The following IGF1R variants were observed in gnomAD, a reference collection of about 807,000 sequenced individuals.
The protein encoded by IGF1R is insulin like growth factor 1 receptor, also known as insulin-like growth factor 1 receptor.
A neutral mutation model predicts 144.6 loss-of-function variants in IGF1R; 44 were observed. The observed-to-expected ratio is 0.30, with a 90% confidence interval of 0.24 to 0.39. The LOEUF (loss-of-function observed/expected upper bound fraction) is 0.39, where lower values mean the gene tolerates loss of function less well. IGF1R is among the 10% of genes least tolerant of loss of function. The pLI is 1.00. For synonymous variants in IGF1R, 795 were observed against 722.8 expected (o/e 1.10, Z -1.60); for missense variants, 1,355 against 1,833.7 (o/e 0.74, Z 4.77).
chr15:98,869,206 G>T (rs1233082288), intron 2 of IGF1R, among the ~76,000 whole-genome samples: 1 of 151,978 alleles, frequency 6.6e-6, no homozygotes, highest in Non-Finnish European at 1.5e-5. Context: ...TTATCCGCCA[G>T]GAAACTCCCT....
Position 98,753,380 on chromosome 15 carries a change from C to CTTT in IGF1R, c.640+45295_640+45297dup, listed in dbSNP as rs1173073572. 6.0e-3 allele frequency among the ~76,000 whole-genome samples: 364 copies of CTTT among 60,282 alleles called. 22 individuals are homozygous for CTTT. The highest frequency in any genetic ancestry group is 0.052 in the Middle Eastern group (3 of 58). 39.5% of individuals were successfully genotyped at this position (60,282 alleles called of 152,430 possible). A position where few individuals can be genotyped will look rare whatever the true frequency, so the allele number is the denominator to read the frequency against. On this transcript the variant is annotated intron_variant, in intron 2 of 20. Transcript: ENST00000650285. ...CACAAGTATGCACCACCATACCTGGCTTTTTTTTTTTTTTTTTTTTTTTTG... is the reference window on the plus strand; with the variant it reads ...CACAAGTATGCACCACCATACCTGGCTTTTTTTTTTTTTTTTTTTTTTTTTTTG...
intron 2 of IGF1R, among the ~76,000 whole-genome samples, chr15:98,714,424 G>A (rs949246312): frequency 2.6e-5 from 4 of 152,124 alleles, no homozygotes; most frequent in African/African-American, 7.2e-5. Context: ...CAGGAGGATC[G>A]CTTGAGTCCA....
At chr15:98,662,223 C>G (rs992724273) in intron 1 of IGF1R, among the ~76,000 whole-genome samples, 1 of 151,936 alleles carries the variant, frequency 6.6e-6, no homozygotes, top group African/African-American at 2.4e-5. Context: ...TCAAGCAATC[C>G]ACCGACCTCG....
In IGF1R at chr15:98,838,027, G is replaced by C. The variant is rs545238027; in HGVS notation, c.641-53298G>C. Among the ~76,000 whole-genome samples, 3 of 152,284 alleles carry C rather than the reference G, an allele frequency of 2.0e-5. No individual in the cohort carries two copies. The South Asian group carries it at 6.2e-4, about 32-fold the overall frequency. The stretch of plus-strand genomic sequence containing the variant: ...TTACAAAATCATTTTCACGGCCTGA[G>C]AGTCTTTTAGGTACTGATTTTTTTC... On this transcript the variant is annotated intron_variant, in intron 2 of 20. Coordinates refer to ENST00000650285, the MANE Select transcript of IGF1R (RefSeq NM_000875.5).
chr15:98,653,006 T>C (rs1048361342), intron 1 of IGF1R, among the ~76,000 whole-genome samples: 3 of 151,854 alleles, frequency 2.0e-5, no homozygotes, highest in African/African-American at 7.2e-5. Flanking sequence ...TACGTTAAAA[T>C]TATTACATAC....
At chr15:98,750,379 C>G (rs1258408202) in intron 2 of IGF1R, among the ~76,000 whole-genome samples, 1 of 152,344 alleles carries the variant, frequency 6.6e-6, no homozygotes, top group East Asian at 1.9e-4. Flanking sequence ...CTGGATTTAT[C>G]TAGTCCAGCT....
chr15:98,914,075 C>T (rs565878492), intron 8 of IGF1R, among the ~76,000 whole-genome samples: 1 of 152,302 alleles, frequency 6.6e-6, no homozygotes, highest in South Asian at 2.1e-4. Context: ...GGCCCACTCC[C>T]TGGCTCATAG....
chr15:98,892,450 C>T (rs2013971013), intron 3 of IGF1R, among the ~76,000 whole-genome samples: 2 of 144,192 alleles, frequency 1.4e-5, no homozygotes, highest in South Asian at 4.3e-4. Flanking sequence ...TTGCTTGAAC[C>T]TGGGAGGCAG....
rs946987842 is a variant in IGF1R at position 98,911,237 on chromosome 15, G to A, written c.1463-78G>A. On this transcript the variant is annotated intron_variant, in intron 6 of 20. Transcript: ENST00000650285. Reference sequence around the variant, plus strand: ...TATACAGCCAGCTTTGGGGAAGGGGGAAGCAGTGCCAAGCAAGACAGGTGC... The same window carrying A: ...TATACAGCCAGCTTTGGGGAAGGGGAAAGCAGTGCCAAGCAAGACAGGTGC... 2.1e-5 allele frequency: 33 copies of A among 1,557,810 alleles called. No homozygotes were observed. In the East Asian group the frequency reaches 6.8e-4, roughly 32 times the overall value.
At chr15:98,760,242 T>C (rs925553205) in intron 2 of IGF1R, among the ~76,000 whole-genome samples, 2 of 151,872 alleles carry the variant, frequency 1.3e-5, no homozygotes, top group African/African-American at 4.8e-5. Context: ...TCCCAGCCAC[T>C]TGGGAGGCTG....
intron 2 of IGF1R, among the ~76,000 whole-genome samples, chr15:98,824,539 T>G (rs1443957884): frequency 6.6e-6 from 1 of 152,216 alleles, no homozygotes; most frequent in African/African-American, 2.4e-5. Flanking sequence ...ACCATTAGAC[T>G]CAGCTTTCCC....
intron 2 of IGF1R, among the ~76,000 whole-genome samples, chr15:98,848,215 A>C (rs574377368): frequency 6.6e-6 from 1 of 152,282 alleles, no homozygotes; most frequent in East Asian, 1.9e-4. Context: ...TGAGAGTTTG[A>C]TTATTCTTAA....
intron 2 of IGF1R, among the ~76,000 whole-genome samples, chr15:98,816,929 T>C (rs1193479458): frequency 6.6e-6 from 1 of 152,132 alleles, no homozygotes; most frequent in Non-Finnish European, 1.5e-5. Context: ...CAAAGCCAGG[T>C]TCATTCACTT....
chr15:98,885,816 ATTT>A (rs3073979), intron 2 of IGF1R, among the ~76,000 whole-genome samples: 23 of 137,702 alleles, frequency 1.7e-4, no homozygotes, highest in East Asian at 6.2e-4. Context: ...TGAGTCTCCT[ATTT>A]TTTTTTTTTT....
At chr15:98,922,467 C>G in intron 11 of IGF1R, 36 bp downstream of exon 11, 1 of 1,600,060 alleles carries the variant, frequency 6.2e-7, no homozygotes, top group East Asian at 2.2e-5. Context: ...TTGCCACCTT[C>G]CTCACAACCT....
intron 3 of IGF1R, among the ~76,000 whole-genome samples, chr15:98,895,222 CCACACACACACACA>C (rs10704966): frequency 0.017 from 2,417 of 143,388 alleles, 47 homozygotes; most frequent in African/African-American, 0.044. Flanking sequence ...TGACACAGCA[CCACACACACACACA>C]CACACACACA....
At position 98,935,261 on chromosome 15, in the gene IGF1R, G is replaced by A; in HGVS notation, c.3187-55G>A. The A allele has an allele frequency of 5.5e-6, 6 of 1,084,536 alleles. No homozygotes were observed. Among genetic ancestry groups the A allele is most frequent in the Non-Finnish European group, 7.7e-6 (6 of 780,058 alleles). The allele number at this position is 1,084,536 out of a possible 1,614,324, so 67.2% of individuals were successfully genotyped here. On this transcript the variant is annotated intron_variant, in intron 16 of 20. Coordinates refer to ENST00000650285, the MANE Select transcript of IGF1R (RefSeq NM_000875.5). This position sits in a 1 kb window ranked among gnomAD's most constrained non-coding sequence, Gnocchi z 4.2. ...ACAGAGACAGTTCCAGACAACACAG[G>A]CATCAGCAAGGGCCACCTGACCCTC... is the stretch of plus-strand genomic sequence containing the variant.
chr15:98,749,715 T>G (rs1373485446), intron 2 of IGF1R, among the ~76,000 whole-genome samples: 2 of 152,222 alleles, frequency 1.3e-5, no homozygotes, highest in African/African-American at 4.8e-5. Flanking sequence ...TGTAATCCTA[T>G]CATCCCATAT....
chr15:98,856,769 G>A (rs1031869486), intron 2 of IGF1R, among the ~76,000 whole-genome samples: 1 of 152,152 alleles, frequency 6.6e-6, no homozygotes, highest in Admixed American at 6.5e-5. Context: ...TCCCAGGCAG[G>A]CACTGTGCTT....
Sources: gnomAD v4.1 joint callset for allele counts (sites outside exome capture counted in the v4.1 genomes callset) on GRCh38, gnomAD v4.1.1 for gene constraint, Gnocchi (gnomAD v3.1) non-coding constraint, MANE v1.5 for transcripts, NCBI Gene and HGNC (gene_info 2026-07-23, HGNC 2026-07-21) for gene names.